MAGI1: variants seen among roughly 807,000 people sequenced by gnomAD.
MAGI1 encodes membrane-associated guanylate kinase, WW and PDZ domain-containing protein 1.
MAGI1 carries 58 observed loss-of-function variants against 139.9 expected under a neutral mutation model. That is an observed-to-expected ratio of 0.41 (90% CI 0.34 to 0.52). MAGI1 has a LOEUF of 0.52. Ranked by LOEUF, MAGI1 falls within the 20% of genes least tolerant of loss-of-function variation. MAGI1 has a pLI of 0.12. For missense variants in MAGI1, 1,874 were observed against 1,901.6 expected (o/e 0.99, Z 0.27); for synonymous variants, 812 against 737.9 (o/e 1.10, Z -1.63).
rs4479537 is a variant in MAGI1 at position 65,430,441 on chromosome 3, G to T, written c.1546+258C>A. Among the ~76,000 whole-genome samples, 151,671 of 152,246 alleles carry T rather than the reference G, an allele frequency of 1. 75,549 individuals carry two copies. Among genetic ancestry groups the T allele is most frequent in the Middle Eastern group, 1 (294 of 294 alleles). ...TCATTTATTTAAATGGGGATCTACA[G>T]TTTTAGTAACTCATTGCTTTACTGT... On this transcript the variant is annotated intron_variant, in intron 11 of 22. Transcript: ENST00000402939.
intron 3 of MAGI1, among the ~76,000 whole-genome samples, chr3:65,479,256 AG>A (rs1425708514): frequency 1.3e-5 from 2 of 152,200 alleles, no homozygotes; most frequent in Non-Finnish European, 2.9e-5. Flanking sequence ...AGAGGGAACC[AG>A]GGCAATATTT....
chr3:65,856,440 A>G (rs900326596), intron 1 of MAGI1, among the ~76,000 whole-genome samples: 7 of 152,128 alleles, frequency 4.6e-5, no homozygotes, highest in African/African-American at 1.4e-4. Context: ...GTCCTACTCA[A>G]TAAAGTGTGA....
chr3:65,412,319 G>A (rs1945857343), intron 12 of MAGI1, among the ~76,000 whole-genome samples: 1 of 152,264 alleles, frequency 6.6e-6, no homozygotes, highest in East Asian at 1.9e-4. Context: ...CTCCTCAAAG[G>A]TGACTCCTTC....
intron 2 of MAGI1, among the ~76,000 whole-genome samples, chr3:65,579,437 A>G (rs2081319270): frequency 1.3e-5 from 2 of 152,196 alleles, no homozygotes; most frequent in Admixed American, 6.5e-5. Flanking sequence ...ACACCACACT[A>G]CACAAGTGAC....
intron 2 of MAGI1, among the ~76,000 whole-genome samples, chr3:65,568,829 G>T (rs2080806778): frequency 6.6e-6 from 1 of 152,152 alleles, no homozygotes; most frequent in Non-Finnish European, 1.5e-5. Flanking sequence ...TCATTTTATT[G>T]TGATTTCCAG....
intron 2 of MAGI1, among the ~76,000 whole-genome samples, chr3:65,557,572 G>A (rs2080146121): frequency 2.0e-5 from 3 of 152,190 alleles, no homozygotes; most frequent in Non-Finnish European, 4.4e-5. Flanking sequence ...TTAAAACTTA[G>A]CAATAGATAA....
chr3:65,724,882 C>T (rs1218118758), intron 1 of MAGI1, among the ~76,000 whole-genome samples: 3 of 152,046 alleles, frequency 2.0e-5, no homozygotes, highest in African/African-American at 4.8e-5. Flanking sequence ...GCCAAAATTG[C>T]CCCCATGATT....
At chr3:65,862,005 A>AC (rs2059571942) in intron 1 of MAGI1, among the ~76,000 whole-genome samples, 1 of 152,176 alleles carries the variant, frequency 6.6e-6, no homozygotes, top group African/African-American at 2.4e-5. Context: ...TCTAATTGGC[A>AC]CCACCAGGCT....
chr3:65,991,908 G>A (rs962741822), intron 1 of MAGI1, among the ~76,000 whole-genome samples: 9 of 152,210 alleles, frequency 5.9e-5, no homozygotes, highest in Non-Finnish European at 7.4e-5. Flanking sequence ...CCAGCTACTC[G>A]GGAGGCTGAG....
At chr3:65,397,755 T>C (rs1363854023) in intron 13 of MAGI1, among the ~76,000 whole-genome samples, 1 of 152,194 alleles carries the variant, frequency 6.6e-6, no homozygotes, top group Admixed American at 6.5e-5. Flanking sequence ...GTGGAATGAT[T>C]ACATTATGTG....
At chr3:65,454,351 A>C (rs992909966) in intron 5 of MAGI1, among the ~76,000 whole-genome samples, 1 of 148,262 alleles carries the variant, frequency 6.7e-6, no homozygotes, top group South Asian at 2.2e-4. Flanking sequence ...TGGACACAGG[A>C]AGGGGAACAT....
intron 18 of MAGI1, among the ~76,000 whole-genome samples, chr3:65,374,598 G>T (rs796680423): frequency 6.6e-6 from 1 of 152,142 alleles, no homozygotes; most frequent in African/African-American, 2.4e-5. Flanking sequence ...GATTACAGGC[G>T]TGAGACACCG....
At chr3:65,609,544 G>C (rs532190147) in intron 2 of MAGI1, among the ~76,000 whole-genome samples, 12 of 152,018 alleles carry the variant, frequency 7.9e-5, no homozygotes, top group African/African-American at 2.9e-4. Context: ...CTCCCAAAGT[G>C]CTAGGATTAC....
At chr3:66,017,051 T>C (rs1174898609) in intron 1 of MAGI1, among the ~76,000 whole-genome samples, 1 of 152,220 alleles carries the variant, frequency 6.6e-6, no homozygotes, top group Non-Finnish European at 1.5e-5. Context: ...TGGAGATGGA[T>C]GGTGGTAATA....
intron 2 of MAGI1, among the ~76,000 whole-genome samples, chr3:65,518,575 G>A (rs549407423): frequency 6.6e-6 from 1 of 152,212 alleles, no homozygotes; most frequent in East Asian, 1.9e-4. Context: ...ATGTGACTTG[G>A]AATCCCAAAT....
chr3:65,500,301 A>AC (rs2077032658), intron 2 of MAGI1, among the ~76,000 whole-genome samples: 1 of 152,166 alleles, frequency 6.6e-6, no homozygotes, highest in Non-Finnish European at 1.5e-5. Context: ...GTGAATATCA[A>AC]CCCTTCCCAC....
At chr3:65,662,962 G>A (rs919964553) in intron 1 of MAGI1, among the ~76,000 whole-genome samples, 3 of 152,072 alleles carry the variant, frequency 2.0e-5, no homozygotes, top group Non-Finnish European at 2.9e-5. Context: ...ACCTTCAGTT[G>A]TGAGCAGGGC....
intron 1 of MAGI1, among the ~76,000 whole-genome samples, chr3:65,842,210 A>C (rs1379282111): frequency 1.3e-5 from 2 of 152,168 alleles, no homozygotes; most frequent in African/African-American, 4.8e-5. Flanking sequence ...TGTCTAAGAG[A>C]TAACAAACAA....
chr3:65,493,277 G>C (rs1227405279), intron 3 of MAGI1, among the ~76,000 whole-genome samples: 2 of 151,972 alleles, frequency 1.3e-5, no homozygotes, highest in Non-Finnish European at 2.9e-5. Context: ...CCACATACTT[G>C]AATAGGTAAA....
Sources: allele counts gnomAD v4.1 joint callset (sites outside exome capture counted in the v4.1 genomes callset), GRCh38; gene constraint gnomAD v4.1.1; transcripts MANE v1.5; gene names NCBI Gene and HGNC (gene_info 2026-07-23, HGNC 2026-07-21).